Variants in MAPK1IP1L observed in about 807,000 individuals in gnomAD.
The protein encoded by MAPK1IP1L is mitogen-activated protein kinase 1 interacting protein 1 like.
In MAPK1IP1L, 10 loss-of-function variants were observed where a neutral mutation model predicts 18.1. That is an observed-to-expected ratio of 0.55 (90% CI 0.34 to 0.94). The LOEUF is 0.94. MAPK1IP1L is among the 40% of genes least tolerant of loss of function. The pLI, the probability that MAPK1IP1L is intolerant of heterozygous loss-of-function variation, is 0.02. For synonymous variants in MAPK1IP1L, 115 were observed against 117.3 expected (o/e 0.98, Z 0.13); for missense variants, 260 against 318.2 (o/e 0.82, Z 1.39).
At chr14:55,055,725 G>T (rs1359219589) in intron 1 of MAPK1IP1L, among the ~76,000 whole-genome samples, 1 of 152,140 alleles carries the variant, frequency 6.6e-6, no homozygotes, top group Non-Finnish European at 1.5e-5. Flanking sequence ...GAGGCCAGGA[G>T]TTTGAGACCA....
intron 1 of MAPK1IP1L, among the ~76,000 whole-genome samples, chr14:55,054,841 TC>T (rs2042758747): frequency 6.6e-6 from 1 of 152,208 alleles, no homozygotes. Context: ...CATGAGAGTT[TC>T]CAAAAATGTT....
rs2042857425 is a variant in MAPK1IP1L at position 55,065,732 on chromosome 14, T to C, written c.*1105T>C. 1 of 152,246 alleles carries C rather than the reference T, an allele frequency of 6.6e-6. No homozygotes were observed. Among genetic ancestry groups the C allele is most frequent in the Admixed American group, 6.5e-5 (1 of 15,286 alleles). The allele number at this position is 152,246 out of a possible 1,614,324, so 9.4% of individuals were successfully genotyped here. On this transcript the variant is annotated 3_prime_UTR_variant, in exon 4 of 4. Transcript: ENST00000395468. Reference sequence around the variant, plus strand: ...AGTGTGAATCAAAATATGTATCTCTTTTTCAGAGTCTGGTTAAGCTATGTC... The same window carrying C: ...AGTGTGAATCAAAATATGTATCTCTCTTTCAGAGTCTGGTTAAGCTATGTC...
In MAPK1IP1L at chr14:55,064,961, G is replaced by C. The variant is rs1437480045; in HGVS notation, c.*334G>C. On this transcript the variant is annotated 3_prime_UTR_variant, in exon 4 of 4. Coordinates refer to ENST00000395468, the MANE Select transcript of MAPK1IP1L (RefSeq NM_144578.4). Reference sequence around the variant, plus strand: ...TTAAAAATCTAAGATGTGGATTATTGTTAGAATCTGCAACTTCATTGGCAA... The same window carrying C: ...TTAAAAATCTAAGATGTGGATTATTCTTAGAATCTGCAACTTCATTGGCAA... 3 of 214,716 alleles carry C rather than the reference G, an allele frequency of 1.4e-5. No individual in the cohort carries two copies. The highest frequency in any genetic ancestry group is 5.8e-5 in the Admixed American group (1 of 17,154). 13.3% of individuals were successfully genotyped at this position (214,716 alleles called of 1,614,324 possible).
chr14:55,055,786 C>A (rs781754600), intron 1 of MAPK1IP1L, among the ~76,000 whole-genome samples: 31 of 151,990 alleles, frequency 2.0e-4, no homozygotes, highest in African/African-American at 6.8e-4. Flanking sequence ...AAAAATTAGC[C>A]GGGCGTGGTG....
chr14:55,054,174 TTTC>T (rs900091436), intron 1 of MAPK1IP1L, among the ~76,000 whole-genome samples: 5 of 146,296 alleles, frequency 3.4e-5, no homozygotes, highest in South Asian at 2.3e-4. Flanking sequence ...TAATTTATAT[TTTC>T]TTTTTTTTTT....
rs2042879160 is a variant in MAPK1IP1L at position 55,068,123 on chromosome 14, T to C, written c.*3496T>C. The C allele has an allele frequency of 6.6e-6, 1 of 152,230 alleles. No individual in the cohort carries two copies. Among genetic ancestry groups the C allele is most frequent in the African/African-American group, 2.4e-5 (1 of 41,442 alleles). 9.4% of individuals were successfully genotyped at this position (152,230 alleles called of 1,614,324 possible). A position where few individuals can be genotyped will look rare whatever the true frequency, so the allele number is the denominator to read the frequency against. Reference sequence around the variant, plus strand: ...CAGCCCTATTTTGTGTAAAGTAATATATTGATTATTCAGAAATAGACAATA... The same window carrying C: ...CAGCCCTATTTTGTGTAAAGTAATACATTGATTATTCAGAAATAGACAATA... On this transcript the variant is annotated 3_prime_UTR_variant, in exon 4 of 4. Transcript: ENST00000395468.
rs767871783 is a variant in MAPK1IP1L, at chr14:55,067,416, C to CT, written c.*2799dup. On this transcript the variant is annotated 3_prime_UTR_variant, in exon 4 of 4. Coordinates refer to ENST00000395468, the MANE Select transcript of MAPK1IP1L (RefSeq NM_144578.4). ...TCAAGAAAGGCTTTTTTCCTTTTTT[C>CT]TTTTTTTTTTGGAGACAGAGTCTTG... The CT allele has an allele frequency of 0.023, 3,329 of 146,462 alleles. 58 individuals carry two copies. The highest frequency in any genetic ancestry group is 0.044 in the African/African-American group (1,768 of 40,116). 9.1% of individuals were successfully genotyped at this position (146,462 alleles called of 1,614,324 possible).
rs555386375 is a variant in MAPK1IP1L at position 55,070,111 on chromosome 14, T to C, written c.*5484T>C. 3.9e-5 allele frequency: 6 copies of C among 152,334 alleles called. 1 individual carries two copies. The South Asian group carries it at 1.0e-3, about 26-fold the overall frequency. The allele number at this position is 152,334 out of a possible 1,614,324, so 9.4% of individuals were successfully genotyped here. On this transcript the variant is annotated 3_prime_UTR_variant, in exon 4 of 4. Transcript: ENST00000395468. ...GTAAAATTTTAAATTGTTTTTGATA[T>C]GTTATTCAATATCCCATGAAAGTAT...
At chr14:55,062,558 T>G in intron 2 of MAPK1IP1L, 60 bp from the exon 3 acceptor site, 1 of 1,365,656 alleles carries the variant, frequency 7.3e-7, no homozygotes, top group Non-Finnish European at 1.0e-6. Flanking sequence ...TGTGGGTTTA[T>G]AATGGTGTTC....
chr14:55,062,810 A>T lies in MAPK1IP1L; in HGVS notation c.211A>T (p.Met71Leu), dbSNP rs1382868956. 6.2e-7 allele frequency: 1 copy of T among 1,614,048 alleles called. No individual in the cohort carries two copies. Among genetic ancestry groups the T allele is most frequent in the Non-Finnish European group, 8.5e-7 (1 of 1,180,006 alleles). The part of the protein sequence containing the change: ...TVPFGPAPTG[M>L]YPSVPPTGPP... ...GCCTTTTGGACCAGCACCAACAGGA[A>T]TGTATCCCTCCGTGCCTCCCACCGG... The change falls in exon 3 of 4, where the codon ATG becomes TTG. Residue 71 changes from methionine (M) to leucine (L), a missense_variant. Met to Leu is a conservative substitution (Grantham distance 15). Transcript: ENST00000395468.
Position 55,065,038 on chromosome 14 carries a change from TTCGAGAATAACCCA to T in MAPK1IP1L, c.*414_*427del, listed in dbSNP as rs2042851289. On this transcript the variant is annotated 3_prime_UTR_variant, in exon 4 of 4. Coordinates refer to ENST00000395468, the MANE Select transcript of MAPK1IP1L (RefSeq NM_144578.4). ...ACTTTCCCCTTCTAAATAAATAAAC[TTCGAGAATAACCCA>T]TCATAATCCAAACAAATGATGCCTC... is the stretch of plus-strand genomic sequence containing the variant. 6.3e-6 allele frequency: 1 copy of T among 158,248 alleles called. No individual in the cohort carries two copies. The highest frequency in any genetic ancestry group is 1.4e-5 in the Non-Finnish European group (1 of 72,244). The allele number at this position is 158,248 out of a possible 1,614,324, so 9.8% of individuals were successfully genotyped here.
chr14:55,051,854 G>A, intron 1 of MAPK1IP1L, 51 bp downstream of exon 1: 1 of 437,614 alleles, frequency 2.3e-6, no homozygotes, highest in South Asian at 1.6e-5. Flanking sequence ...TCGGGGAGCT[G>A]GGGTTGCGGA....
Position 55,069,520 on chromosome 14 carries a change from T to A in MAPK1IP1L, c.*4893T>A, listed in dbSNP as rs2042890037. On this transcript the variant is annotated 3_prime_UTR_variant, in exon 4 of 4. Coordinates refer to ENST00000395468, the MANE Select transcript of MAPK1IP1L (RefSeq NM_144578.4). ...TGTGTATTATACCTGGAAACTTTTTTTAAAAAATGTATTTTCATGGTTTCA... is the reference window on the plus strand; with the variant it reads ...TGTGTATTATACCTGGAAACTTTTTATAAAAAATGTATTTTCATGGTTTCA... 1 of 152,650 alleles carries A rather than the reference T, an allele frequency of 6.6e-6. No homozygotes were observed. The highest frequency in any genetic ancestry group is 1.5e-5 in the Non-Finnish European group (1 of 68,038). The allele number at this position is 152,650 out of a possible 1,614,324, so 9.5% of individuals were successfully genotyped here.
intron 1 of MAPK1IP1L, among the ~76,000 whole-genome samples, chr14:55,056,568 G>T (rs2042772940): frequency 6.6e-6 from 1 of 152,136 alleles, no homozygotes. Flanking sequence ...GGAGTGCAGT[G>T]GCTTGATCTC....
At chr14:55,054,177 CTTTTTTTT>C (rs371063665) in intron 1 of MAPK1IP1L, among the ~76,000 whole-genome samples, 17 of 127,290 alleles carry the variant, frequency 1.3e-4, no homozygotes, top group African/African-American at 3.7e-4. Flanking sequence ...TTTATATTTT[CTTTTTTTT>C]TTTTTTTTTT....
At position 55,069,403 on chromosome 14, in the gene MAPK1IP1L, CAA is replaced by C. The variant is rs1249498325; in HGVS notation, c.*4778_*4779del. 5.2e-5 allele frequency: 8 copies of C among 152,656 alleles called. No individual in the cohort carries two copies. Among genetic ancestry groups the C allele is most frequent in the African/African-American group, 1.9e-4 (8 of 41,538 alleles). 9.5% of individuals were successfully genotyped at this position (152,656 alleles called of 1,614,324 possible). ...TATCACCTGCTGCTGTATTTGTAAACAAAGACAAATGTTGCTTTAAGAAGTAA... is the reference window on the plus strand; with the variant it reads ...TATCACCTGCTGCTGTATTTGTAAACAGACAAATGTTGCTTTAAGAAGTAA... On this transcript the variant is annotated 3_prime_UTR_variant, in exon 4 of 4. Coordinates refer to ENST00000395468, the MANE Select transcript of MAPK1IP1L (RefSeq NM_144578.4).
Position 55,069,331 on chromosome 14 carries a change from A to T in MAPK1IP1L, c.*4704A>T, listed in dbSNP as rs2042888829. 1 of 152,614 alleles carries T rather than the reference A, an allele frequency of 6.6e-6. No individual in the cohort carries two copies. Among genetic ancestry groups the T allele is most frequent in the Admixed American group, 6.5e-5 (1 of 15,274 alleles). 9.5% of individuals were successfully genotyped at this position (152,614 alleles called of 1,614,324 possible). On this transcript the variant is annotated 3_prime_UTR_variant, in exon 4 of 4. Transcript: ENST00000395468. Reference sequence around the variant, plus strand: ...AAAATGTGATTTGAGACATATACATATGTTTGTATTATAAATTGTAAGCAA... The same window carrying T: ...AAAATGTGATTTGAGACATATACATTTGTTTGTATTATAAATTGTAAGCAA...
At chr14:55,060,154 A>ATTTTTTTTTTTTTTTTTTTTTTTTTTTTT (rs71131248) in intron 1 of MAPK1IP1L, among the ~76,000 whole-genome samples, 1 of 63,892 alleles carries the variant, frequency 1.6e-5, no homozygotes, top group Non-Finnish European at 2.7e-5. Context: ...TTTTGGAGAA[A>ATTTTTTTTTTTTTTTTTTTTTTTTTTTTT]TTTTTTTTTT....
intron 1 of MAPK1IP1L, 78 bp from the exon 2 acceptor site, chr14:55,061,602 C>G: frequency 1.0e-6 from 1 of 998,078 alleles, no homozygotes; most frequent in Non-Finnish European, 1.5e-6. Context: ...ATAGAAAGTT[C>G]CTTAAGGAAT....
Sources: allele counts gnomAD v4.1 joint callset (sites outside exome capture counted in the v4.1 genomes callset), GRCh38; gene constraint gnomAD v4.1.1; transcripts MANE v1.5; gene names NCBI Gene and HGNC (gene_info 2026-07-23, HGNC 2026-07-21).